TPD52: variants seen among roughly 807,000 people sequenced by gnomAD.
TPD52 encodes the protein prostate and colon associated protein.
Under a neutral mutation model 31.3 loss-of-function variants are expected in TPD52, and 17 were observed. The ratio of observed to expected loss-of-function variants is 0.54; its 90% CI spans 0.37 to 0.82. The LOEUF is 0.82. TPD52 is among the 40% of genes least tolerant of loss of function. TPD52 has a pLI of 0.00. For missense variants in TPD52, 212 were observed against 240.1 expected (o/e 0.88, Z 0.77); for synonymous variants, 83 against 89.6 (o/e 0.93, Z 0.42).
intron 1 of TPD52, among the ~76,000 whole-genome samples, chr8:80,149,797 T>C (rs929934595): frequency 3.9e-5 from 6 of 152,048 alleles, no homozygotes; most frequent in Non-Finnish European, 7.4e-5. Flanking sequence ...AGAGAGATGA[T>C]TTGGGGTATC....
intron 1 of TPD52, chr8:80,119,839 A>G (rs1808130022): frequency 4.7e-6 from 2 of 421,880 alleles, no homozygotes; most frequent in African/African-American, 2.1e-5. Flanking sequence ...GAGAAAAGAT[A>G]AATCTTTCCC....
At chr8:80,108,752 T>C (rs1291979105) in intron 1 of TPD52, among the ~76,000 whole-genome samples, 2 of 152,238 alleles carry the variant, frequency 1.3e-5, no homozygotes, top group Admixed American at 1.3e-4. Context: ...GAATAACTGA[T>C]GAAAATAATG....
intron 1 of TPD52, among the ~76,000 whole-genome samples, chr8:80,125,071 A>G (rs1305860839): frequency 2.0e-5 from 3 of 152,198 alleles, no homozygotes; most frequent in Non-Finnish European, 4.4e-5. Flanking sequence ...TTAAGAAACC[A>G]CTAGACTCAG....
intron 5 of TPD52, among the ~76,000 whole-genome samples, chr8:80,046,740 GA>G (rs5892701): frequency 0.21 from 31,938 of 148,984 alleles, 8,720 homozygotes; most frequent in African/African-American, 0.64. Context: ...TCAAAACACT[GA>G]AAAAAAAAAT....
At position 80,124,094 on chromosome 8, in the gene TPD52, G is replaced by C. The variant is rs77525516; in HGVS notation, c.19+47331C>G. On this transcript the variant is annotated intron_variant, in intron 1 of 7. Coordinates refer to ENST00000518937, the MANE Select transcript of TPD52 (RefSeq NM_001025253.3). ...GGAGAACTGTGCAGGAAAAAGGGAGGTAACATGTTAGGCAATACTAGAGAG... is the reference window on the plus strand; with the variant it reads ...GGAGAACTGTGCAGGAAAAAGGGAGCTAACATGTTAGGCAATACTAGAGAG... Among the ~76,000 whole-genome samples, 652 of 151,938 alleles carry C rather than the reference G, an allele frequency of 4.3e-3. 5 individuals are homozygous for C. The highest frequency in any genetic ancestry group is 0.015 in the African/African-American group (621 of 41,426).
chr8:80,154,213 G>T (rs1300035459), intron 1 of TPD52, among the ~76,000 whole-genome samples: 1 of 152,224 alleles, frequency 6.6e-6, no homozygotes, highest in Non-Finnish European at 1.5e-5. Flanking sequence ...AGGCAACTTG[G>T]TCAGGAGAAG....
At chr8:80,111,446 C>T (rs1807490247) in intron 1 of TPD52, among the ~76,000 whole-genome samples, 2 of 152,138 alleles carry the variant, frequency 1.3e-5, no homozygotes, top group Non-Finnish European at 2.9e-5. Flanking sequence ...TGCTGCAGAA[C>T]TGTTTGGTTA....
chr8:80,170,719 A>C (rs1409072120), intron 1 of TPD52, among the ~76,000 whole-genome samples: 3 of 152,226 alleles, frequency 2.0e-5, no homozygotes, highest in African/African-American at 7.2e-5. Context: ...TTAAATCTGA[A>C]AACCATGGCC....
At chr8:80,112,835 G>A (rs1436647107) in intron 1 of TPD52, among the ~76,000 whole-genome samples, 1 of 152,042 alleles carries the variant, frequency 6.6e-6, no homozygotes, top group Non-Finnish European at 1.5e-5. Context: ...TATCTGAAAT[G>A]CTTAGGGTCA....
At chr8:80,083,224 G>A (rs1484651911) in intron 1 of TPD52, among the ~76,000 whole-genome samples, 1 of 152,004 alleles carries the variant, frequency 6.6e-6, no homozygotes, top group Non-Finnish European at 1.5e-5. Context: ...TGAGTCATAC[G>A]GAGAGTATAA....
At chr8:80,065,880 TAGGCTTCAGTTC>T (rs1458579633) in intron 1 of TPD52, among the ~76,000 whole-genome samples, 1 of 151,846 alleles carries the variant, frequency 6.6e-6, no homozygotes, top group Non-Finnish European at 1.5e-5. Flanking sequence ...TGCCTTACCC[TAGGCTTCAGTTC>T]AGTTTACAGA....
chr8:80,144,218 A>G (rs898489827), intron 1 of TPD52, among the ~76,000 whole-genome samples: 1 of 152,186 alleles, frequency 6.6e-6, no homozygotes, highest in African/African-American at 2.4e-5. Flanking sequence ...TTTTCCTACT[A>G]TGAAGAATAT....
intron 4 of TPD52, 97 bp downstream of exon 4, chr8:80,051,430 A>G (rs1157742425): frequency 3.5e-6 from 4 of 1,132,004 alleles, no homozygotes; most frequent in Non-Finnish European, 5.3e-6. Context: ...AGGAGTAGCT[A>G]GCATCAACTA....
chr8:80,097,198 T>C (rs1806401168), intron 1 of TPD52, among the ~76,000 whole-genome samples: 1 of 152,206 alleles, frequency 6.6e-6, no homozygotes, highest in East Asian at 1.9e-4. Context: ...TCTTCAATTC[T>C]ATGAAGGCTA....
intron 1 of TPD52, among the ~76,000 whole-genome samples, chr8:80,093,579 C>A (rs1229689775): frequency 6.6e-6 from 1 of 152,120 alleles, no homozygotes; most frequent in East Asian, 1.9e-4. Context: ...GGACCACAAA[C>A]TTCTATCATC....
chr8:80,154,752 C>CAA (rs375987876), intron 1 of TPD52, among the ~76,000 whole-genome samples: 13 of 139,466 alleles, frequency 9.3e-5, no homozygotes, highest in African/African-American at 3.3e-4. Flanking sequence ...CACACACACA[C>CAA]AAAACACCTA....
chr8:80,044,263 A>C, intron 5 of TPD52, 55 bp from the exon 6 acceptor site: 2 of 1,395,606 alleles, frequency 1.4e-6, no homozygotes, highest in Non-Finnish European at 1.9e-6. Context: ...TGGTGCTTCA[A>C]CATTATTAAA....
intron 1 of TPD52, among the ~76,000 whole-genome samples, chr8:80,110,731 C>T (rs1200748000): frequency 6.6e-6 from 1 of 152,124 alleles, no homozygotes; most frequent in Non-Finnish European, 1.5e-5. Context: ...AAACCAGAAA[C>T]TGCACCAATC....
intron 7 of TPD52, among the ~76,000 whole-genome samples, chr8:80,040,776 C>T (rs1196690690): frequency 6.6e-6 from 1 of 152,160 alleles, no homozygotes; most frequent in Non-Finnish European, 1.5e-5. Flanking sequence ...CCTGCAACTA[C>T]AGTTTGCTTT....
Sources: allele counts gnomAD v4.1 joint callset (sites outside exome capture counted in the v4.1 genomes callset), GRCh38; gene constraint gnomAD v4.1.1; transcripts MANE v1.5; gene names NCBI Gene and HGNC (gene_info 2026-07-23, HGNC 2026-07-21).